The following KCTD6 variants were observed in gnomAD, a reference collection of about 807,000 sequenced individuals.
The protein encoded by KCTD6 is potassium channel tetramerization domain containing 6, also known as BTB/POZ domain-containing protein KCTD6.
In KCTD6, 6 loss-of-function variants were observed where a neutral mutation model predicts 18.7. The observed-to-expected ratio is 0.32, with a 90% CI of 0.18 to 0.63. The LOEUF is 0.63. Ranked by LOEUF, KCTD6 falls within the 30% of genes least tolerant of loss-of-function variation. KCTD6 has a pLI of 0.79. For missense variants in KCTD6, 165 were observed against 300.2 expected (o/e 0.55, Z 3.33); for synonymous variants, 86 against 108.5 (o/e 0.79, Z 1.29).
At chr3:58,499,645 T>G (rs961747304) in intron 2 of KCTD6, among the ~76,000 whole-genome samples, 17 of 151,786 alleles carry the variant, frequency 1.1e-4, no homozygotes, top group African/African-American at 4.1e-4. Flanking sequence ...CTCAGGTGAT[T>G]GTCCCACCTC....
chr3:58,493,274 C>G lies in KCTD6; in HGVS notation c.-44+1105C>G, dbSNP rs1159589806. Among the ~76,000 whole-genome samples the G allele has an allele frequency of 6.6e-6, 1 of 152,182 alleles. No homozygotes were observed. Among genetic ancestry groups the G allele is most frequent in the Non-Finnish European group, 1.5e-5 (1 of 68,046 alleles). On this transcript the variant is annotated intron_variant, in intron 1 of 2. Coordinates refer to ENST00000404589, the MANE Select transcript of KCTD6 (RefSeq NM_001128214.2). This position sits in a 1 kb window ranked among gnomAD's most constrained non-coding sequence, Gnocchi z 4.5. ...GTCCATACTGATACTTGATTTTGTGCTATGCCTTAGATATGAACGATGGAG... is the reference window on the plus strand; with the variant it reads ...GTCCATACTGATACTTGATTTTGTGGTATGCCTTAGATATGAACGATGGAG...
At chr3:58,500,598 T>A (rs1175213037) in intron 2 of KCTD6, among the ~76,000 whole-genome samples, 1 of 151,968 alleles carries the variant, frequency 6.6e-6, no homozygotes, top group African/African-American at 2.4e-5. Context: ...AAAAAATAAG[T>A]GTATTTTAGC....
At chr3:58,500,699 A>G (rs142997024) in intron 2 of KCTD6, among the ~76,000 whole-genome samples, 8 of 152,268 alleles carry the variant, frequency 5.3e-5, no homozygotes, top group African/African-American at 1.7e-4. Context: ...AATGCCCTGT[A>G]TTCTTAGCAT....
chr3:58,495,227 A>G (rs1453961483), intron 1 of KCTD6, among the ~76,000 whole-genome samples: 2 of 152,158 alleles, frequency 1.3e-5, no homozygotes, highest in Non-Finnish European at 1.5e-5. Context: ...CCATTTCAAG[A>G]TCTTCCTTCT....
Position 58,498,649 on chromosome 3 carries a change from AG to A in KCTD6, c.-43-63del. On this transcript the variant is annotated intron_variant, in intron 1 of 2. Coordinates refer to ENST00000404589, the MANE Select transcript of KCTD6 (RefSeq NM_001128214.2). This position sits in a 1 kb window ranked among gnomAD's most constrained non-coding sequence, Gnocchi z 4.6. ...TTGGCCTCCTCTGTTGGGTGGAAAA[AG>A]ACTTTCTTCTCTATTTTCCTAGTTA... 1 of 894,220 alleles carries A rather than the reference AG, an allele frequency of 1.1e-6. No homozygotes were observed. The allele number at this position is 894,220 out of a possible 1,614,324, so 55.4% of individuals were successfully genotyped here.
rs2063208551 is a variant in KCTD6, at chr3:58,502,332, AC to A, written c.*701del. The A allele has an allele frequency of 1.3e-5, 2 of 152,482 alleles. No individual in the cohort carries two copies. Among genetic ancestry groups the A allele is most frequent in the Admixed American group, 1.3e-4 (2 of 15,268 alleles). 9.4% of individuals were successfully genotyped at this position (152,482 alleles called of 1,614,324 possible). A position where few individuals can be genotyped will look rare whatever the true frequency, so the allele number is the denominator to read the frequency against. ...CTGTCTACCAGAAAAAAAAAACAAA[AC>A]TAATAAAAAATGAAATATGAAAATT... On this transcript the variant is annotated 3_prime_UTR_variant, in exon 3 of 3. Transcript: ENST00000404589.
At position 58,502,207 on chromosome 3, in the gene KCTD6, A is replaced by G. The variant is rs1414610177; in HGVS notation, c.*575A>G. On this transcript the variant is annotated 3_prime_UTR_variant, in exon 3 of 3. Coordinates refer to ENST00000404589, the MANE Select transcript of KCTD6 (RefSeq NM_001128214.2). ...GAACCAAATATCTGTAGCCATGGAAATGTCTGACTAGAAATATTTATATTG... is the reference window on the plus strand; with the variant it reads ...GAACCAAATATCTGTAGCCATGGAAGTGTCTGACTAGAAATATTTATATTG... 1.3e-5 allele frequency: 2 copies of G among 152,550 alleles called. No homozygotes were observed. The highest frequency in any genetic ancestry group is 2.9e-5 in the Non-Finnish European group (2 of 68,016). 9.4% of individuals were successfully genotyped at this position (152,550 alleles called of 1,614,324 possible). A position where few individuals can be genotyped will look rare whatever the true frequency, so the allele number is the denominator to read the frequency against.
chr3:58,496,131 G>GT lies in KCTD6; in HGVS notation c.-43-2581dup, dbSNP rs1463367176. ...TTGAATGGGTTCCTGCCTTTTTTTG[G>GT]TGGGGGGGCCTCAGGAGAATTTTTA... On this transcript the variant is annotated intron_variant, in intron 1 of 2. Transcript: ENST00000404589. The surrounding 1 kb of genome is among the most constrained non-coding windows in gnomAD (Gnocchi z 5.1). 1.4e-4 allele frequency among the ~76,000 whole-genome samples: 4 copies of GT among 28,118 alleles called. No individual in the cohort carries two copies. Among genetic ancestry groups the GT allele is most frequent in the East Asian group, 0.071 (2 of 28 alleles). 18.4% of individuals were successfully genotyped at this position (28,118 alleles called of 152,430 possible). A position where few individuals can be genotyped will look rare whatever the true frequency, so the allele number is the denominator to read the frequency against.
At position 58,498,582 on chromosome 3, in the gene KCTD6, A is replaced by G. The variant is rs2063190245; in HGVS notation, c.-43-131A>G. 1.1e-5 allele frequency: 7 copies of G among 643,096 alleles called. No individual in the cohort carries two copies. Among genetic ancestry groups the G allele is most frequent in the Non-Finnish European group, 1.7e-5 (6 of 361,732 alleles). The allele number at this position is 643,096 out of a possible 1,614,324, so 39.8% of individuals were successfully genotyped here. A position where few individuals can be genotyped will look rare whatever the true frequency, so the allele number is the denominator to read the frequency against. ...TTTCTTCCCCAGATCTTTGCCCTGTAGTAGGTTTCAGCTGAGCAAGGACGA... is the reference window on the plus strand; with the variant it reads ...TTTCTTCCCCAGATCTTTGCCCTGTGGTAGGTTTCAGCTGAGCAAGGACGA... On this transcript the variant is annotated intron_variant, in intron 1 of 2. Coordinates refer to ENST00000404589, the MANE Select transcript of KCTD6 (RefSeq NM_001128214.2). The surrounding 1 kb of genome is among the most constrained non-coding windows in gnomAD (Gnocchi z 4.6).
At position 58,492,752 on chromosome 3, in the gene KCTD6, G is replaced by A. The variant is rs2063160596; in HGVS notation, c.-44+583G>A. ...GGCGTTTTTAATGCTTGATGTCAGA[G>A]GTGATAAATGGCCATGGTAATGGGG... On this transcript the variant is annotated intron_variant, in intron 1 of 2. Coordinates refer to ENST00000404589, the MANE Select transcript of KCTD6 (RefSeq NM_001128214.2). This position sits in a 1 kb window ranked among gnomAD's most constrained non-coding sequence, Gnocchi z 6.1. 6.6e-6 allele frequency among the ~76,000 whole-genome samples: 1 copy of A among 152,134 alleles called. No homozygotes were observed. Among genetic ancestry groups the A allele is most frequent in the Admixed American group, 6.5e-5 (1 of 15,272 alleles).
chr3:58,501,011 G>A lies in KCTD6; in HGVS notation c.93G>A (p.Thr31=), dbSNP rs768734278. 47 of 1,613,340 alleles carry A rather than the reference G, an allele frequency of 2.9e-5. No homozygotes were observed. The highest frequency in any genetic ancestry group is 5.5e-5 in the South Asian group (5 of 90,936). The part of the protein sequence containing the change: ...HLYTTSLTTL[T]RYPDSMLGAM... ...ATACAACGTCTCTCACCACATTGAC[G>A]CGTTACCCGGATTCCATGCTTGGAG... Residue 31 remains threonine (T), a synonymous_variant, in exon 3 of 3, where the codon ACG becomes ACA. Coordinates refer to ENST00000404589, the MANE Select transcript of KCTD6 (RefSeq NM_001128214.2). This position sits in a 1 kb window ranked among gnomAD's most constrained non-coding sequence, Gnocchi z 9.7.
In KCTD6 at chr3:58,496,122, C is replaced by CT. The variant is rs1356705086; in HGVS notation, c.-43-2584dup. ...TCACACTAGTTGAATGGGTTCCTGC[C>CT]TTTTTTTGGTGGGGGGGCCTCAGGA... On this transcript the variant is annotated intron_variant, in intron 1 of 2. Coordinates refer to ENST00000404589, the MANE Select transcript of KCTD6 (RefSeq NM_001128214.2). This position sits in a 1 kb window ranked among gnomAD's most constrained non-coding sequence, Gnocchi z 5.1. Among the ~76,000 whole-genome samples the CT allele has an allele frequency of 6.3e-5, 2 of 31,938 alleles. No individual in the cohort carries two copies. Among genetic ancestry groups the CT allele is most frequent in the Admixed American group, 3.9e-4 (1 of 2,534 alleles). 21.0% of individuals were successfully genotyped at this position (31,938 alleles called of 152,430 possible).
In KCTD6 at chr3:58,497,032, C is replaced by T. The variant is rs2063177875; in HGVS notation, c.-43-1681C>T. 6.6e-6 allele frequency among the ~76,000 whole-genome samples: 1 copy of T among 152,208 alleles called. No homozygotes were observed. Among genetic ancestry groups the T allele is most frequent in the Non-Finnish European group, 1.5e-5 (1 of 68,044 alleles). ...GCCCATTTCTTGGTCCTGTTTACTT[C>T]GGATACTATTTGTGAAGCAAGTCAG... On this transcript the variant is annotated intron_variant, in intron 1 of 2. Transcript: ENST00000404589. This position sits in a 1 kb window ranked among gnomAD's most constrained non-coding sequence, Gnocchi z 4.2.
rs551479496 is a variant in KCTD6, at chr3:58,497,147, G to C, written c.-43-1566G>C. Reference sequence around the variant, plus strand: ...TGTGGAGGCCTGTCTATATCCAACTGCTGAGTGTAAAGAATAAAAACTGAC... The same window carrying C: ...TGTGGAGGCCTGTCTATATCCAACTCCTGAGTGTAAAGAATAAAAACTGAC... On this transcript the variant is annotated intron_variant, in intron 1 of 2. Transcript: ENST00000404589. The surrounding 1 kb of genome is among the most constrained non-coding windows in gnomAD (Gnocchi z 4.2). Among the ~76,000 whole-genome samples the C allele has an allele frequency of 2.6e-5, 4 of 152,296 alleles. No homozygotes were observed. Among genetic ancestry groups the C allele is most frequent in the African/African-American group, 9.6e-5 (4 of 41,560 alleles).
chr3:58,501,240 C>G lies in KCTD6; in HGVS notation c.322C>G (p.Pro108Ala), dbSNP rs757705801. The G allele has an allele frequency of 6.2e-7, 1 of 1,614,144 alleles. No individual in the cohort carries two copies. The highest frequency in any genetic ancestry group is 8.5e-7 in the Non-Finnish European group (1 of 1,180,010). Residue 108 changes from proline (P) to alanine (A), a missense_variant, in exon 3 of 3, where the codon CCT becomes GCT. Pro to Ala is a conservative substitution (Grantham distance 27). Transcript: ENST00000404589. The surrounding 1 kb of genome is among the most constrained non-coding windows in gnomAD (Gnocchi z 9.7). Reference protein sequence around the residue: ...IEPLIQCLNDPKPLYPMDTFE... With the variant: ...IEPLIQCLNDAKPLYPMDTFE... ...GCCCTTGATTCAGTGTCTCAATGAT[C>G]CTAAGCCTTTGTATCCCATGGATAC...
At chr3:58,495,009 G>A (rs1014739203) in intron 1 of KCTD6, among the ~76,000 whole-genome samples, 5 of 152,266 alleles carry the variant, frequency 3.3e-5, no homozygotes, top group Non-Finnish European at 4.4e-5. Context: ...ATCTTTTCAG[G>A]TGAACTGATT....
rs914325413 is a variant in KCTD6, at chr3:58,498,387, T to G, written c.-43-326T>G. 5.1e-6 allele frequency: 1 copy of G among 197,246 alleles called. No individual in the cohort carries two copies. Among genetic ancestry groups the G allele is most frequent in the Non-Finnish European group, 1.0e-5 (1 of 99,420 alleles). The allele number at this position is 197,246 out of a possible 1,614,324, so 12.2% of individuals were successfully genotyped here. ...ATTCTCTTATATAAATTCTAAAAAT[T>G]GATGTTCTAAGAAGAGAGGTAGAAT... On this transcript the variant is annotated intron_variant, in intron 1 of 2. Coordinates refer to ENST00000404589, the MANE Select transcript of KCTD6 (RefSeq NM_001128214.2). The surrounding 1 kb of genome is among the most constrained non-coding windows in gnomAD (Gnocchi z 4.6).
At chr3:58,499,692 A>C (rs1444831446) in intron 2 of KCTD6, among the ~76,000 whole-genome samples, 1 of 151,610 alleles carries the variant, frequency 6.6e-6, no homozygotes, top group Non-Finnish European at 1.5e-5. Flanking sequence ...GTGGGCACCA[A>C]CATGTGTGGC....
In KCTD6 at chr3:58,497,265, C is replaced by G. The variant is rs982706902; in HGVS notation, c.-43-1448C>G. On this transcript the variant is annotated intron_variant, in intron 1 of 2. Transcript: ENST00000404589. The surrounding 1 kb of genome is among the most constrained non-coding windows in gnomAD (Gnocchi z 4.2). Reference sequence around the variant, plus strand: ...CTTCAGGCTCTGATTTCAGCCCATGCTGTGCTATGCAAATGTTCTCTACAT... The same window carrying G: ...CTTCAGGCTCTGATTTCAGCCCATGGTGTGCTATGCAAATGTTCTCTACAT... Among the ~76,000 whole-genome samples the G allele has an allele frequency of 1.6e-4, 25 of 152,226 alleles. No individual in the cohort carries two copies. The highest frequency in any genetic ancestry group is 5.8e-4 in the African/African-American group (24 of 41,466).
Sources: allele counts gnomAD v4.1 joint callset (sites outside exome capture counted in the v4.1 genomes callset), GRCh38; gene constraint gnomAD v4.1.1; non-coding constraint Gnocchi (gnomAD v3.1); transcripts MANE v1.5; gene names NCBI Gene and HGNC (gene_info 2026-07-23, HGNC 2026-07-21).